Variants in GRID2 observed in about 807,000 individuals in gnomAD.
The protein encoded by GRID2 is glutamate receptor ionotropic, delta-2.
In GRID2, 33 loss-of-function variants were observed where a neutral mutation model predicts 114.8. The ratio of observed to expected loss-of-function variants is 0.29; its 90% CI spans 0.22 to 0.38. The LOEUF is 0.38. Among genes scored for constraint, GRID2 ranks in the 10% least tolerant of loss-of-function variants. The pLI is 1.00. For synonymous variants in GRID2, 505 were observed against 449.9 expected (o/e 1.12, Z -1.55); for missense variants, 1,184 against 1,257.7 (o/e 0.94, Z 0.89).
At chr4:93,339,772 A>T (rs551163962) in intron 8 of GRID2, among the ~76,000 whole-genome samples, 323 of 152,292 alleles carry the variant, frequency 2.1e-3, no homozygotes, top group African/African-American at 6.4e-3. Flanking sequence ...CTCACAGTTC[A>T]GCATGGCTGG....
At chr4:92,615,699 T>C (rs901283772) in intron 2 of GRID2, among the ~76,000 whole-genome samples, 1 of 151,684 alleles carries the variant, frequency 6.6e-6, no homozygotes, top group Admixed American at 6.6e-5. Context: ...CTATTCTTTT[T>C]TACTGTGATC....
chr4:92,374,277 C>T (rs1198165843), intron 1 of GRID2, among the ~76,000 whole-genome samples: 1 of 152,120 alleles, frequency 6.6e-6, no homozygotes, highest in East Asian at 1.9e-4. Context: ...CTTGGGTCTC[C>T]ATAATCCTTT....
chr4:93,749,532 G>A (rs1052189358), intron 14 of GRID2, among the ~76,000 whole-genome samples: 1 of 152,142 alleles, frequency 6.6e-6, no homozygotes, highest in Non-Finnish European at 1.5e-5. Flanking sequence ...GTGGCATTGA[G>A]CCTCCTCCAG....
chr4:93,533,537 CTTTTTTTTTTT>C (rs34014956), intron 13 of GRID2, among the ~76,000 whole-genome samples: 1 of 86,478 alleles, frequency 1.2e-5, no homozygotes, highest in East Asian at 3.3e-4. Context: ...CCACACCCAG[CTTTTTTTTTTT>C]TTTTTTTTTT....
At chr4:92,713,537 G>A (rs1287120089) in intron 2 of GRID2, among the ~76,000 whole-genome samples, 3 of 105,754 alleles carry the variant, frequency 2.8e-5, no homozygotes, top group African/African-American at 1.1e-4. Flanking sequence ...TTAGGTCTTG[G>A]ATAGTGTTTT....
intron 2 of GRID2, among the ~76,000 whole-genome samples, chr4:92,858,987 G>C (rs565696361): frequency 1.7e-4 from 26 of 152,326 alleles, no homozygotes; most frequent in South Asian, 1.0e-3. Context: ...AAACTGATTT[G>C]ATAAAGCAGT....
chr4:92,960,747 A>G (rs1366783489), intron 2 of GRID2, among the ~76,000 whole-genome samples: 1 of 151,768 alleles, frequency 6.6e-6, no homozygotes, highest in Non-Finnish European at 1.5e-5. Flanking sequence ...GTATTGATAT[A>G]GTTGGGTTAA....
At chr4:92,775,397 C>A (rs1738743488) in intron 2 of GRID2, among the ~76,000 whole-genome samples, 1 of 152,120 alleles carries the variant, frequency 6.6e-6, no homozygotes, top group South Asian at 2.1e-4. Flanking sequence ...CCATCAAGTG[C>A]AAGTAACTTG....
intron 14 of GRID2, 98 bp downstream of exon 14, chr4:93,626,533 T>C: frequency 1.3e-6 from 1 of 758,076 alleles, no homozygotes; most frequent in Non-Finnish European, 2.2e-6. Context: ...TTGTTTCCTT[T>C]GTTAGGAGAA....
intron 1 of GRID2, among the ~76,000 whole-genome samples, chr4:92,341,373 TTC>T (rs1727481203): frequency 6.6e-6 from 1 of 152,192 alleles, no homozygotes; most frequent in African/African-American, 2.4e-5. Context: ...GAGATGGCAG[TTC>T]TCCACTGACT....
intron 12 of GRID2, among the ~76,000 whole-genome samples, chr4:93,492,392 C>T (rs1292683158): frequency 6.6e-6 from 1 of 151,722 alleles, no homozygotes; most frequent in African/African-American, 2.4e-5. Context: ...GAGTAAAGAC[C>T]AAATCTTAAA....
intron 13 of GRID2, among the ~76,000 whole-genome samples, chr4:93,594,387 C>G (rs929325764): frequency 4.6e-5 from 7 of 152,318 alleles, no homozygotes; most frequent in Middle Eastern, 6.8e-3. Flanking sequence ...GTCAGGGACC[C>G]ACTTGAGGAG....
At chr4:93,340,258 T>A (rs1195405525) in intron 8 of GRID2, among the ~76,000 whole-genome samples, 1 of 131,988 alleles carries the variant, frequency 7.6e-6, no homozygotes, top group African/African-American at 2.9e-5. Flanking sequence ...TTTTTTTTTT[T>A]AACTTTCTGT....
chr4:93,296,499 T>G (rs1754328320), intron 8 of GRID2, among the ~76,000 whole-genome samples: 1 of 152,128 alleles, frequency 6.6e-6, no homozygotes, highest in Non-Finnish European at 1.5e-5. Context: ...AATGTTTCTG[T>G]AAAGGTGAGC....
chr4:92,305,697 G>C (rs1421616455), intron 1 of GRID2, among the ~76,000 whole-genome samples: 1 of 152,168 alleles, frequency 6.6e-6, no homozygotes, highest in South Asian at 2.1e-4. Flanking sequence ...CGGCGAGCAG[G>C]GGCGGGCGGG....
At chr4:92,796,042 G>T (rs1739850976) in intron 2 of GRID2, among the ~76,000 whole-genome samples, 2 of 151,944 alleles carry the variant, frequency 1.3e-5, no homozygotes, top group Non-Finnish European at 2.9e-5. Flanking sequence ...TTTTAGACTG[G>T]ATGGAATTAT....
chr4:92,498,374 A>G (rs751361103), intron 1 of GRID2, among the ~76,000 whole-genome samples: 1 of 151,892 alleles, frequency 6.6e-6, no homozygotes, highest in Non-Finnish European at 1.5e-5. Context: ...CAGTAAGAGC[A>G]TATATGTGCC....
chr4:93,500,329 A>T (rs1727973856), intron 12 of GRID2, among the ~76,000 whole-genome samples: 1 of 152,002 alleles, frequency 6.6e-6, no homozygotes, highest in African/African-American at 2.4e-5. Flanking sequence ...AATATAACAC[A>T]GTCCATGGAC....
chr4:92,524,254 G>T (rs1724926514), intron 1 of GRID2, among the ~76,000 whole-genome samples: 1 of 151,740 alleles, frequency 6.6e-6, no homozygotes. Flanking sequence ...ATTTCCTTTT[G>T]CTACTGCAAA....
Sources: allele counts gnomAD v4.1 joint callset (sites outside exome capture counted in the v4.1 genomes callset), GRCh38; gene constraint gnomAD v4.1.1; transcripts MANE v1.5; gene names NCBI Gene and HGNC (gene_info 2026-07-23, HGNC 2026-07-21).